Variants in PCDH15 observed in about 807,000 individuals in gnomAD.
The protein encoded by PCDH15 is protocadherin-15.
A neutral mutation model predicts 178.5 loss-of-function variants in PCDH15; 129 were observed. The ratio of observed to expected loss-of-function variants is 0.72; its 90% CI spans 0.63 to 0.84. The LOEUF is 0.84. Among genes scored for constraint, PCDH15 ranks in the 40% least tolerant of loss-of-function variants. The pLI is 0.00. For synonymous variants in PCDH15, 800 were observed against 732.0 expected, an observed-to-expected ratio of 1.09 and a Z score of -1.50; for missense variants, 2,230 against 2,099.9, an observed-to-expected ratio of 1.06 and a Z score of -1.21.
chr10:54,392,617 G>A (rs115648780), intron 3 of PCDH15, among the ~76,000 whole-genome samples: 1,569 of 151,510 alleles, frequency 0.01, 23 homozygotes, highest in African/African-American at 0.036. Context: ...AAAAATCTGT[G>A]GCCAGGCACG....
In PCDH15 at chr10:54,068,512, A is replaced by C. The variant is rs1172998264; in HGVS notation, c.2092-1627T>G. On this transcript the variant is annotated intron_variant, in intron 17 of 37. Transcript: ENST00000644397. Reference sequence around the variant, plus strand: ...GGATTGTGTTTTATATATGCAATGGAATCATATGAAGTACTGAGAATGTAC... The same window carrying C: ...GGATTGTGTTTTATATATGCAATGGCATCATATGAAGTACTGAGAATGTAC... Among the ~76,000 whole-genome samples, 3 of 152,182 alleles carry C rather than the reference A, an allele frequency of 2.0e-5. No homozygotes were observed. The East Asian group carries it at 5.8e-4, about 29-fold the overall frequency.
intron 3 of PCDH15, among the ~76,000 whole-genome samples, chr10:54,414,059 C>G (rs938075007): frequency 6.6e-6 from 1 of 152,098 alleles, no homozygotes; most frequent in African/African-American, 2.4e-5. Context: ...GACAAAACAA[C>G]ACTTGTACCC....
intron 25 of PCDH15, among the ~76,000 whole-genome samples, chr10:53,924,754 T>C (rs747079967): frequency 2.0e-5 from 3 of 152,176 alleles, no homozygotes; most frequent in Non-Finnish European, 4.4e-5. Flanking sequence ...CAACACTCTG[T>C]ATCTACCTAA....
chr10:54,144,588 G>T (rs1393159722), intron 14 of PCDH15, among the ~76,000 whole-genome samples: 1 of 152,036 alleles, frequency 6.6e-6, no homozygotes, highest in Non-Finnish European at 1.5e-5. Context: ...TGGTCGGGAG[G>T]ATGGACTTGA....
rs181043179 is a variant in PCDH15 at position 54,935,027 on chromosome 10, C to A, written c.-79-37527G>T. 3.4e-3 allele frequency among the ~76,000 whole-genome samples: 502 copies of A among 145,700 alleles called. 3 individuals carry two copies. The highest frequency in any genetic ancestry group is 0.012 in the African/African-American group (470 of 38,984). On this transcript the variant is annotated intron_variant, in intron 2 of 5. Transcript: ENST00000458638. ...TTCTCACTCACAGATGGGAACTGAA[C>A]AATGAGAACACATGGACACAGGAAG... is the stretch of plus-strand genomic sequence containing the variant.
intron 5 of PCDH15, among the ~76,000 whole-genome samples, chr10:54,347,197 T>C (rs1459478349): frequency 6.6e-6 from 1 of 152,096 alleles, no homozygotes; most frequent in South Asian, 2.1e-4. Context: ...TACCTGTAGG[T>C]TTTTGCGCAA....
At chr10:54,730,616 C>T in intron 1 of PCDH15, among the ~76,000 whole-genome samples, 1 of 151,224 alleles carries the variant, frequency 6.6e-6, no homozygotes, top group Admixed American at 6.6e-5. Context: ...GCATTCACAG[C>T]CAACTATTTT....
intron 3 of PCDH15, among the ~76,000 whole-genome samples, chr10:54,447,202 A>G (rs2076195185): frequency 6.6e-6 from 1 of 151,654 alleles, no homozygotes; most frequent in Non-Finnish European, 1.5e-5. Context: ...GGGTCTCTAC[A>G]ACATCTTCAC....
intron 15 of PCDH15, among the ~76,000 whole-genome samples, chr10:54,127,363 A>G (rs1274094413): frequency 1.3e-5 from 2 of 152,210 alleles, no homozygotes; most frequent in Non-Finnish European, 2.9e-5. Context: ...GGATCATTTG[A>G]TTCAACACTA....
chr10:54,646,954 A>C (rs2135107139), intron 2 of PCDH15, among the ~76,000 whole-genome samples: 1 of 152,178 alleles, frequency 6.6e-6, no homozygotes, highest in East Asian at 1.9e-4. Flanking sequence ...CTGAAAATAG[A>C]ACTACAATAT....
intron 3 of PCDH15, among the ~76,000 whole-genome samples, chr10:54,806,425 C>A (rs1396650726): frequency 1.3e-5 from 2 of 150,932 alleles, no homozygotes; most frequent in East Asian, 1.9e-4. Flanking sequence ...GGGAAGAATT[C>A]AGGTTGTTTG....
chr10:55,602,370 C>T lies in PCDH15; in HGVS notation c.-156+25255G>A, dbSNP rs539336166. Among the ~76,000 whole-genome samples the T allele has an allele frequency of 2.0e-5, 3 of 152,264 alleles. No homozygotes were observed. In the East Asian group the frequency reaches 5.8e-4, roughly 30 times the overall value. On this transcript the variant is annotated intron_variant, in intron 2 of 5. Coordinates refer to the PCDH15 transcript ENST00000613346. ...AAAAAAAGCGGCTGGGAAGCTCGAA[C>T]TGGGTGGAGCCCACCACAGCTCAAG...
At chr10:55,407,904 G>T (rs1234520732) in intron 2 of PCDH15, among the ~76,000 whole-genome samples, 2 of 152,162 alleles carry the variant, frequency 1.3e-5, no homozygotes, top group Non-Finnish European at 2.9e-5. Flanking sequence ...TCATCTCTAA[G>T]TCTCAAGGAC....
chr10:53,909,285 C>T (rs2082899482), intron 25 of PCDH15, among the ~76,000 whole-genome samples: 1 of 152,120 alleles, frequency 6.6e-6, no homozygotes, highest in Non-Finnish European at 1.5e-5. Flanking sequence ...GCCTCCCCAG[C>T]CATGTGGAAC....
intron 1 of PCDH15, among the ~76,000 whole-genome samples, chr10:55,293,958 T>G (rs2132271086): frequency 6.6e-6 from 1 of 152,270 alleles, no homozygotes; most frequent in Non-Finnish European, 1.5e-5. Flanking sequence ...GGTAGCAATT[T>G]AATGTATTAT....
chr10:55,179,552 C>T (rs555943477), intron 1 of PCDH15, among the ~76,000 whole-genome samples: 2 of 114,452 alleles, frequency 1.7e-5, no homozygotes, highest in Admixed American at 8.6e-5. Context: ...CACACTCCCC[C>T]CCATTCTAAG....
chr10:54,657,900 G>C (rs991204546), intron 2 of PCDH15, among the ~76,000 whole-genome samples: 1 of 152,072 alleles, frequency 6.6e-6, no homozygotes, highest in African/African-American at 2.4e-5. Flanking sequence ...TCAAAATACA[G>C]AGTGCAAGGA....
At chr10:54,028,704 C>T (rs1384596564) in intron 18 of PCDH15, among the ~76,000 whole-genome samples, 8 of 148,736 alleles carry the variant, frequency 5.4e-5, no homozygotes, top group East Asian at 2.0e-4. Context: ...AACCAAACAC[C>T]GCATATTGTC....
chr10:54,972,473 G>A (rs1243356101), intron 2 of PCDH15, among the ~76,000 whole-genome samples: 1 of 152,008 alleles, frequency 6.6e-6, no homozygotes, highest in East Asian at 1.9e-4. Flanking sequence ...CTGGGAGGCG[G>A]AGGTTGTAGT....
Sources: allele counts gnomAD v4.1 joint callset (sites outside exome capture counted in the v4.1 genomes callset), GRCh38; gene constraint gnomAD v4.1.1; transcripts MANE v1.5; gene names NCBI Gene and HGNC (gene_info 2026-07-23, HGNC 2026-07-21).